TYW1: variants seen among roughly 807,000 people sequenced by gnomAD.
TYW1 encodes S-adenosyl-L-methionine-dependent tRNA 4-demethylwyosine synthase TYW1.
TYW1 carries 46 observed loss-of-function variants against 96.2 expected under a neutral mutation model. The observed-to-expected ratio is 0.48, with a 90% CI of 0.38 to 0.61. The LOEUF is 0.61. Among genes scored for constraint, TYW1 ranks in the 20% least tolerant of loss-of-function variants. TYW1 has a pLI of 0.00. For missense variants in TYW1, 684 were observed against 909.6 expected, an observed-to-expected ratio of 0.75 and a Z score of 3.19; for synonymous variants, 274 against 323.0, an observed-to-expected ratio of 0.85 and a Z score of 1.63.
chr7:67,082,818 T>G (rs964185809), intron 10 of TYW1, among the ~76,000 whole-genome samples: 27 of 152,156 alleles, frequency 1.8e-4, no homozygotes, highest in Non-Finnish European at 3.5e-4. Flanking sequence ...ATAGCTTGGG[T>G]TATGGCATTG....
rs563689965 is a variant in TYW1 at position 67,090,433 on chromosome 7, A to G, written c.1384+6894A>G. ...TTTGTGTGTTATTTGGTTTATCGCT[A>G]TGACATTAGGATGAAAATTTTCGGA... On this transcript the variant is annotated intron_variant, in intron 11 of 15. Coordinates refer to ENST00000359626, the MANE Select transcript of TYW1 (RefSeq NM_018264.4). Among the ~76,000 whole-genome samples the G allele has an allele frequency of 2.6e-5, 4 of 152,312 alleles. No individual in the cohort carries two copies. The East Asian group carries it at 7.7e-4, about 29-fold the overall frequency.
In TYW1 at chr7:66,998,183, C is replaced by T. The variant is rs201637088; in HGVS notation, c.123C>T (p.Val41=). ...GCCTTTGGATTTGTGTCCAGATTGT[C>T]ATCAAGACGCAGGTAAGTGGAGTTA... The part of the protein sequence containing the change: ...SISLWICVQI[V]IKTQGKNLQE... Residue 41 remains valine (V), a synonymous_variant, in exon 2 of 16, where the codon GTC becomes GTT. Coordinates refer to ENST00000359626, the MANE Select transcript of TYW1 (RefSeq NM_018264.4). 21 of 1,605,138 alleles carry T rather than the reference C, an allele frequency of 1.3e-5. No individual in the cohort carries two copies. Among genetic ancestry groups the T allele is most frequent in the East Asian group, 1.1e-4 (5 of 44,774 alleles).
At chr7:67,175,118 A>G (rs1480080708) in intron 13 of TYW1, among the ~76,000 whole-genome samples, 1 of 151,898 alleles carries the variant, frequency 6.6e-6, no homozygotes, top group East Asian at 1.9e-4. Flanking sequence ...ACCCTACACA[A>G]CTATTCCAGA....
chr7:67,032,389 C>T (rs1214954588), intron 7 of TYW1, among the ~76,000 whole-genome samples: 36 of 151,982 alleles, frequency 2.4e-4, no homozygotes, highest in East Asian at 9.6e-4. Flanking sequence ...GAGGCCGAGA[C>T]GGATGGATCA....
chr7:67,088,063 C>A (rs1409088868), intron 11 of TYW1, among the ~76,000 whole-genome samples: 3 of 152,094 alleles, frequency 2.0e-5, no homozygotes, highest in Admixed American at 1.3e-4. Context: ...TGGGTTTTCC[C>A]TATATTGCGC....
At chr7:67,058,684 C>T (rs1208723672) in intron 9 of TYW1, among the ~76,000 whole-genome samples, 2 of 152,058 alleles carry the variant, frequency 1.3e-5, no homozygotes, top group Admixed American at 1.3e-4. Context: ...TCATGTTGCC[C>T]ATGCTGGTTT....
intron 14 of TYW1, among the ~76,000 whole-genome samples, chr7:67,188,550 A>T (rs983497893): frequency 2.0e-5 from 3 of 152,152 alleles, no homozygotes; most frequent in African/African-American, 7.2e-5. Flanking sequence ...GAAGTACTCC[A>T]TGGTCCTAGT....
chr7:67,036,113 G>A (rs995349669), intron 7 of TYW1, among the ~76,000 whole-genome samples: 1 of 147,242 alleles, frequency 6.8e-6, no homozygotes, highest in Admixed American at 6.9e-5. Context: ...CACACACTTT[G>A]GTGTCATGTT....
chr7:67,017,948 C>CG lies in TYW1; in HGVS notation c.668dup (p.Ser224GlnfsTer3). On this transcript the variant is annotated frameshift_variant, in exon 6 of 16. Coordinates refer to ENST00000359626, the MANE Select transcript of TYW1 (RefSeq NM_018264.4). LOFTEE classifies it high-confidence loss of function. Reference sequence around the variant, plus strand: ...ACTGCGACGTGGTTAAAAGCAAGCACGGCAGCATTGAGGCCGACTTCAGAG... The same window carrying CG: ...ACTGCGACGTGGTTAAAAGCAAGCACGGGCAGCATTGAGGCCGACTTCAGAG... 1 of 1,614,132 alleles carries CG rather than the reference C, an allele frequency of 6.2e-7. No homozygotes were observed. Among genetic ancestry groups the CG allele is most frequent in the Non-Finnish European group, 8.5e-7 (1 of 1,180,032 alleles).
intron 13 of TYW1, among the ~76,000 whole-genome samples, chr7:67,156,894 T>C (rs1386523739): frequency 6.6e-6 from 1 of 151,666 alleles, no homozygotes; most frequent in Non-Finnish European, 1.5e-5. Context: ...TTGTGAGAGC[T>C]GAGGGACTCT....
intron 11 of TYW1, among the ~76,000 whole-genome samples, chr7:67,091,984 G>C (rs1265136585): frequency 6.6e-6 from 1 of 152,186 alleles, no homozygotes; most frequent in African/African-American, 2.4e-5. Context: ...CTCTGTGGTA[G>C]TGCCCTTTGT....
chr7:67,038,211 G>A (rs1376789322), intron 7 of TYW1, among the ~76,000 whole-genome samples: 9 of 152,190 alleles, frequency 5.9e-5, no homozygotes, highest in African/African-American at 2.2e-4. Context: ...GCTGAGACAG[G>A]AGAATTGCCT....
intron 15 of TYW1, among the ~76,000 whole-genome samples, chr7:67,215,167 C>T (rs917738194): frequency 6.6e-6 from 1 of 150,854 alleles, no homozygotes; most frequent in Non-Finnish European, 1.5e-5. Context: ...CTCACCTCCA[C>T]CTGTCTGTCT....
At chr7:67,105,764 A>G (rs1412269294) in intron 12 of TYW1, among the ~76,000 whole-genome samples, 2 of 152,248 alleles carry the variant, frequency 1.3e-5, no homozygotes, top group Non-Finnish European at 2.9e-5. Context: ...CTGAGAGGCC[A>G]CATAGTCCCA....
intron 7 of TYW1, among the ~76,000 whole-genome samples, chr7:67,039,448 A>G (rs531510857): frequency 4.3e-4 from 63 of 147,950 alleles, no homozygotes; most frequent in Non-Finnish European, 7.3e-4. Flanking sequence ...ACAGTGTGAG[A>G]CTCCGTCTCA....
Position 67,029,432 on chromosome 7 carries a change from T to TAA in TYW1, c.984+4412_984+4413dup, listed in dbSNP as rs1554348935. On this transcript the variant is annotated intron_variant, in intron 7 of 15. Coordinates refer to ENST00000359626, the MANE Select transcript of TYW1 (RefSeq NM_018264.4). The stretch of plus-strand genomic sequence containing the variant: ...GTGTGTGTGTATATATATATATATA[T>TAA]AAATAGTATTTTCTAGCTGGGTTCA... Among the ~76,000 whole-genome samples, 52 of 139,284 alleles carry TAA rather than the reference T, an allele frequency of 3.7e-4. 1 individual carries two copies. The highest frequency in any genetic ancestry group is 9.1e-4 in the South Asian group (4 of 4,404). 91.4% of individuals were successfully genotyped at this position (139,284 alleles called of 152,430 possible).
intron 12 of TYW1, among the ~76,000 whole-genome samples, chr7:67,113,645 C>CTTTT (rs66807566): frequency 0.21 from 30,258 of 143,064 alleles, 3,419 homozygotes; most frequent in African/African-American, 0.29. Context: ...CTTTTTCTTT[C>CTTTT]TTTTTTTTTT....
intron 15 of TYW1, among the ~76,000 whole-genome samples, chr7:67,197,952 T>TC (rs1563067011): frequency 1.6e-5 from 2 of 125,972 alleles, no homozygotes; most frequent in African/African-American, 3.1e-5. Flanking sequence ...CTCCCTTCCC[T>TC]ACCCCTGCCC....
intron 9 of TYW1, among the ~76,000 whole-genome samples, chr7:67,056,562 T>G (rs1489695071): frequency 6.6e-6 from 1 of 152,140 alleles, no homozygotes; most frequent in Non-Finnish European, 1.5e-5. Flanking sequence ...AACTGGCTTC[T>G]TAAACTCAAC....
Sources: allele counts gnomAD v4.1 joint callset (sites outside exome capture counted in the v4.1 genomes callset), GRCh38; gene constraint gnomAD v4.1.1; transcripts MANE v1.5; gene names NCBI Gene and HGNC (gene_info 2026-07-23, HGNC 2026-07-21).